The following KATNBL1 variants were observed in gnomAD, a reference collection of about 807,000 sequenced individuals.
KATNBL1 encodes the protein katanin regulatory subunit B1 like 1, also known as KATNB1-like protein 1.
KATNBL1 carries 28 observed loss-of-function variants against 44.7 expected under a neutral mutation model. The observed-to-expected ratio is 0.63, with a 90% CI of 0.46 to 0.86. KATNBL1 has a LOEUF of 0.86. Ranked by LOEUF, KATNBL1 falls within the 40% of genes least tolerant of loss-of-function variation. The pLI is 0.00. For synonymous variants in KATNBL1, 78 were observed against 114.9 expected, an observed-to-expected ratio of 0.68 and a Z score of 2.06; for missense variants, 272 against 350.7, an observed-to-expected ratio of 0.78 and a Z score of 1.79.
intron 9 of KATNBL1, 161 bp from the exon 10 acceptor site, chr15:34,142,532 A>G (rs1366366909): frequency 2.9e-6 from 2 of 688,480 alleles, no homozygotes; most frequent in Non-Finnish European, 4.6e-6. Context: ...GCATTTGTTC[A>G]GCACAGGGCC....
At chr15:34,148,407 A>C (rs3764236) in intron 5 of KATNBL1, 43,304 of 342,362 alleles carry the variant, frequency 0.13, 3,094 homozygotes, top group Non-Finnish European at 0.15. Context: ...GAAACATAAG[A>C]CCTCATGTCT....
chr15:34,188,137 TAAA>T (rs1201268078), intron 1 of KATNBL1, among the ~76,000 whole-genome samples: 318 of 22,062 alleles, frequency 0.014, 1 homozygote, highest in Middle Eastern at 0.045. Context: ...AGACGCCATG[TAAA>T]AAAAAAAAAA....
intron 1 of KATNBL1, among the ~76,000 whole-genome samples, chr15:34,192,823 A>G (rs957338039): frequency 6.6e-6 from 1 of 152,248 alleles, no homozygotes; most frequent in Non-Finnish European, 1.5e-5. Context: ...GAATGCTTCC[A>G]CAAAGGTGAA....
intron 1 of KATNBL1, among the ~76,000 whole-genome samples, chr15:34,165,438 C>T (rs916726276): frequency 6.6e-6 from 1 of 152,072 alleles, no homozygotes; most frequent in African/African-American, 2.4e-5. Context: ...GACATAAAAC[C>T]CATGAGGACA....
At chr15:34,169,050 A>C (rs1365462502) in intron 1 of KATNBL1, among the ~76,000 whole-genome samples, 3 of 152,164 alleles carry the variant, frequency 2.0e-5, no homozygotes, top group Admixed American at 1.3e-4. Context: ...AGAGCAAACA[A>C]ATTCAAAAGG....
At chr15:34,205,270 G>C (rs533162854) in intron 1 of KATNBL1, among the ~76,000 whole-genome samples, 1 of 152,310 alleles carries the variant, frequency 6.6e-6, no homozygotes, top group South Asian at 2.1e-4. Context: ...GGGATTACAG[G>C]CATGAGCCAC....
At chr15:34,176,307 G>A (rs895361600) in intron 1 of KATNBL1, among the ~76,000 whole-genome samples, 2 of 151,990 alleles carry the variant, frequency 1.3e-5, no homozygotes, top group Non-Finnish European at 2.9e-5. Flanking sequence ...GAACCCGGGA[G>A]GCGGAGTTTG....
chr15:34,153,218 TGAAGA>T (rs1888537525), intron 3 of KATNBL1, 149 bp from the exon 4 acceptor site: 1 of 530,662 alleles, frequency 1.9e-6, no homozygotes, highest in Non-Finnish European at 3.2e-6. Context: ...AATTCTGAGT[TGAAGA>T]GAAAAGTAAA....
intron 1 of KATNBL1, among the ~76,000 whole-genome samples, chr15:34,184,151 A>G (rs1486221783): frequency 6.6e-6 from 1 of 152,132 alleles, no homozygotes; most frequent in African/African-American, 2.4e-5. Flanking sequence ...AAAAAATACA[A>G]AAGAATTAGC....
intron 5 of KATNBL1, among the ~76,000 whole-genome samples, chr15:34,147,836 C>T (rs1466406252): frequency 1.3e-5 from 2 of 152,030 alleles, no homozygotes; most frequent in Non-Finnish European, 2.9e-5. Context: ...GCTTCAAATT[C>T]CCACTCAAAA....
Position 34,193,229 on chromosome 15 carries a change from AAAAAAAC to A in KATNBL1, c.-15+16715_-15+16721del, listed in dbSNP as rs1327627719. ...GAGACTCCGTCTCAAAAAAAAAAAA[AAAAAAAC>A]AAAAAAAAAACTTAAGGCCAGATGC... On this transcript the variant is annotated intron_variant, in intron 1 of 9. Transcript: ENST00000256544. Among the ~76,000 whole-genome samples, 53 of 127,906 alleles carry A rather than the reference AAAAAAAC, an allele frequency of 4.1e-4. 1 individual carries two copies. The highest frequency in any genetic ancestry group is 1.1e-3 in the African/African-American group (39 of 35,044). 83.9% of individuals were successfully genotyped at this position (127,906 alleles called of 152,430 possible). A position where few individuals can be genotyped will look rare whatever the true frequency, so the allele number is the denominator to read the frequency against.
intron 1 of KATNBL1, among the ~76,000 whole-genome samples, chr15:34,193,470 G>A (rs1049768382): frequency 6.8e-6 from 1 of 147,602 alleles, no homozygotes; most frequent in African/African-American, 2.5e-5. Context: ...GGATGCGGAG[G>A]TTGCAGTGAA....
Position 34,202,896 on chromosome 15 carries a change from CAGA to C in KATNBL1, c.-15+7052_-15+7054del, listed in dbSNP as rs781002685. Reference sequence around the variant, plus strand: ...ATCCCAGCCACTGGGGAGGCTGAGGCAGAAGAATTGCTTGAGCCCGGAAGGCGG... The same window carrying C: ...ATCCCAGCCACTGGGGAGGCTGAGGCAGAATTGCTTGAGCCCGGAAGGCGG... On this transcript the variant is annotated intron_variant, in intron 1 of 9. Transcript: ENST00000256544. 7.9e-5 allele frequency among the ~76,000 whole-genome samples: 12 copies of C among 152,208 alleles called. No individual in the cohort carries two copies. In the East Asian group the frequency reaches 1.9e-3, roughly 24 times the overall value.
chr15:34,177,587 C>T (rs920813837), intron 1 of KATNBL1, among the ~76,000 whole-genome samples: 4 of 135,920 alleles, frequency 2.9e-5, no homozygotes, highest in South Asian at 2.3e-4. Flanking sequence ...GAGGTTGCAG[C>T]GAGCCACTGT....
At chr15:34,154,524 A>C (rs1344818772) in intron 3 of KATNBL1, 120 bp downstream of exon 3, 1 of 708,494 alleles carries the variant, frequency 1.4e-6, no homozygotes, top group Non-Finnish European at 2.5e-6. Context: ...TGGCATAAAG[A>C]AGCTGTTTGA....
intron 2 of KATNBL1, among the ~76,000 whole-genome samples, chr15:34,163,112 C>T (rs1888858752): frequency 6.7e-6 from 1 of 149,482 alleles, no homozygotes; most frequent in Non-Finnish European, 1.5e-5. Context: ...GGCGCGATCT[C>T]AGCTCACTGC....
intron 1 of KATNBL1, among the ~76,000 whole-genome samples, chr15:34,186,322 C>T (rs1461164444): frequency 6.6e-6 from 1 of 152,188 alleles, no homozygotes. Flanking sequence ...GTCCCCATGC[C>T]GCTGCAGTTG....
In KATNBL1 at chr15:34,185,913, C is replaced by T. The variant is rs983268687; in HGVS notation, c.-14-22223G>A. Among the ~76,000 whole-genome samples, 9 of 152,080 alleles carry T rather than the reference C, an allele frequency of 5.9e-5. No individual in the cohort carries two copies. In the East Asian group the frequency reaches 1.2e-3, roughly 20 times the overall value. Reference sequence around the variant, plus strand: ...ATTGTCCAGATGCTATGATCTGGTACGTTTTAGTTCCATGATACTGTCTGA... The same window carrying T: ...ATTGTCCAGATGCTATGATCTGGTATGTTTTAGTTCCATGATACTGTCTGA... On this transcript the variant is annotated intron_variant, in intron 1 of 9. Coordinates refer to ENST00000256544, the MANE Select transcript of KATNBL1 (RefSeq NM_024713.3).
At chr15:34,145,965 T>C (rs1888297826) in intron 8 of KATNBL1, 1 of 130,516 alleles carries the variant, frequency 7.7e-6, no homozygotes, top group Non-Finnish European at 1.6e-5. Context: ...TTTTTTTTTT[T>C]TGAGACAAGG....
Sources: allele counts gnomAD v4.1 joint callset (sites outside exome capture counted in the v4.1 genomes callset), GRCh38; gene constraint gnomAD v4.1.1; transcripts MANE v1.5; gene names NCBI Gene and HGNC (gene_info 2026-07-23, HGNC 2026-07-21).